The following RYR2 variants were observed in gnomAD, a reference collection of about 807,000 sequenced individuals.
RYR2 encodes the protein ryanodine receptor 2.
RYR2 carries 227 observed loss-of-function variants against 601.1 expected under a neutral mutation model. The ratio of observed to expected loss-of-function variants is 0.38; its 90% CI spans 0.34 to 0.42. The LOEUF is 0.42. Ranked by LOEUF, RYR2 falls within the 10% of genes least tolerant of loss-of-function variation. The pLI, the probability that RYR2 is intolerant of heterozygous loss-of-function variation, is 1.00. For synonymous variants in RYR2, 2,223 were observed against 2,175.1 expected (o/e 1.02, Z -0.61); for missense variants, 4,646 against 6,156.5 (o/e 0.75, Z 8.21).
At chr1:237,463,470 A>G (rs74147283) in intron 16 of RYR2, among the ~76,000 whole-genome samples, 7,556 of 152,282 alleles carry the variant, frequency 0.05, 602 homozygotes, top group African/African-American at 0.17. Context: ...CTCCGGGGAT[A>G]GGATGATACT....
chr1:237,204,102 C>G (rs1328065558), intron 1 of RYR2, among the ~76,000 whole-genome samples: 1 of 152,222 alleles, frequency 6.6e-6, no homozygotes, highest in Non-Finnish European at 1.5e-5. Flanking sequence ...CCTTCTCCTC[C>G]TGGGTTCAAG....
chr1:237,154,256 C>G (rs1294732313), intron 1 of RYR2, among the ~76,000 whole-genome samples: 1 of 152,196 alleles, frequency 6.6e-6, no homozygotes. Context: ...TGGTTTGGTA[C>G]TCCATTGTTA....
At chr1:237,550,444 G>A (rs887954115) in intron 26 of RYR2, 100 bp from the exon 27 acceptor site, 13 of 1,400,298 alleles carry the variant, frequency 9.3e-6, no homozygotes, top group Admixed American at 8.4e-5. Flanking sequence ...GAAGGGTCAC[G>A]TTTTTCTCAT....
At position 237,330,867 on chromosome 1, in the gene RYR2, T is replaced by C. The variant is rs1326271208; in HGVS notation, c.169-11T>C. ...ATGATGCTGCTGACTGCTCTTCCTC[T>C]TTCTGTGCAGAATGTGCCCCCAGAC... is the stretch of plus-strand genomic sequence containing the variant. On this transcript the variant is annotated splice_polypyrimidine_tract_variant and intron_variant, in intron 2 of 104. Transcript: ENST00000366574. 1 of 1,611,394 alleles carries C rather than the reference T, an allele frequency of 6.2e-7. No individual in the cohort carries two copies. The highest frequency in any genetic ancestry group is 8.5e-7 in the Non-Finnish European group (1 of 1,177,506).
chr1:237,263,284 T>C (rs922243453), intron 1 of RYR2, among the ~76,000 whole-genome samples: 5 of 152,234 alleles, frequency 3.3e-5, no homozygotes, highest in Admixed American at 2.0e-4. Flanking sequence ...TGGCAGCATG[T>C]ATTTATGAAT....
intron 33 of RYR2, among the ~76,000 whole-genome samples, chr1:237,594,006 T>C (rs781608853): frequency 6.6e-6 from 1 of 152,132 alleles, no homozygotes; most frequent in Non-Finnish European, 1.5e-5. Context: ...GGCTATGTGG[T>C]GGGGAGAAAA....
rs546991211 is a variant in RYR2, at chr1:237,103,796, T to C, written c.48+61227T>C. Among the ~76,000 whole-genome samples the C allele has an allele frequency of 4.3e-3, 650 of 152,324 alleles. 1 individual carries two copies. The highest frequency in any genetic ancestry group is 7.3e-3 in the Non-Finnish European group (499 of 68,026). Reference sequence around the variant, plus strand: ...GTTGGCCAGGCTGGTCTCGAACTCCTGACTTCAGGTGGTCCACCCGCCTCG... The same window carrying C: ...GTTGGCCAGGCTGGTCTCGAACTCCCGACTTCAGGTGGTCCACCCGCCTCG... On this transcript the variant is annotated intron_variant, in intron 1 of 104. Transcript: ENST00000366574.
chr1:237,341,354 T>C (rs1697754679), intron 3 of RYR2, among the ~76,000 whole-genome samples: 1 of 152,176 alleles, frequency 6.6e-6, no homozygotes. Context: ...CAAACATTTT[T>C]CTTTTTTGAG....
At chr1:237,510,034 T>C (rs946325013) in intron 23 of RYR2, among the ~76,000 whole-genome samples, 14 of 152,164 alleles carry the variant, frequency 9.2e-5, no homozygotes, top group Non-Finnish European at 2.9e-5. Context: ...AAGATGATTT[T>C]ATTCTGTAGG....
At chr1:237,668,736 T>A (rs1684546272) in intron 58 of RYR2, among the ~76,000 whole-genome samples, 1 of 152,196 alleles carries the variant, frequency 6.6e-6, no homozygotes, top group Non-Finnish European at 1.5e-5. Flanking sequence ...GGGGAGAAGA[T>A]TTTGAAAGTG....
intron 1 of RYR2, among the ~76,000 whole-genome samples, chr1:237,092,926 T>A (rs762644358): frequency 2.6e-5 from 4 of 152,180 alleles, no homozygotes; most frequent in Non-Finnish European, 5.9e-5. Context: ...GCCTTCTCCC[T>A]CCACATGCAG....
chr1:237,469,074 C>G lies in RYR2; in HGVS notation c.1613-18C>G, dbSNP rs1449726496. On this transcript the variant is annotated intron_variant, in intron 16 of 104. Coordinates refer to ENST00000366574, the MANE Select transcript of RYR2 (RefSeq NM_001035.3). Reference sequence around the variant, plus strand: ...CTAGAAAATCACATAAAGGTGAAATCTATTTCTTCTTTTGCAGCGGCTCTA... The same window carrying G: ...CTAGAAAATCACATAAAGGTGAAATGTATTTCTTCTTTTGCAGCGGCTCTA... 6.2e-7 allele frequency: 1 copy of G among 1,605,418 alleles called. No homozygotes were observed. The highest frequency in any genetic ancestry group is 2.2e-5 in the East Asian group (1 of 44,806).
chr1:237,142,488 G>A (rs1053624332), intron 1 of RYR2, among the ~76,000 whole-genome samples: 13 of 152,178 alleles, frequency 8.5e-5, no homozygotes, highest in African/African-American at 3.1e-4. Context: ...GAAGCAATAT[G>A]GTAGGATAAA....
chr1:237,284,194 C>T (rs1485615011), intron 2 of RYR2, among the ~76,000 whole-genome samples: 3 of 152,078 alleles, frequency 2.0e-5, no homozygotes, highest in Admixed American at 6.6e-5. Context: ...ACCAGCCTGG[C>T]CAACATGGAG....
intron 33 of RYR2, among the ~76,000 whole-genome samples, chr1:237,594,905 T>TTTTTTTTTTTTTG (rs1675687918): frequency 2.0e-5 from 1 of 50,070 alleles, no homozygotes; most frequent in Non-Finnish European, 5.6e-5. Context: ...TTTTTTTTTT[T>TTTTTTTTTTTTTG]TTTTTTTTTT....
intron 1 of RYR2, among the ~76,000 whole-genome samples, chr1:237,113,499 C>T (rs191903903): frequency 1.4e-4 from 21 of 152,160 alleles, no homozygotes; most frequent in Middle Eastern, 3.4e-3. Flanking sequence ...CGTGTCCAGC[C>T]GGCCTCTCTT....
chr1:237,333,135 A>G (rs921267393), intron 3 of RYR2, among the ~76,000 whole-genome samples: 1 of 152,236 alleles, frequency 6.6e-6, no homozygotes, highest in Non-Finnish European at 1.5e-5. Flanking sequence ...GTTGAACACT[A>G]TTTTATAAAG....
chr1:237,623,811 G>A lies in RYR2; in HGVS notation c.5963G>A (p.Cys1988Tyr). The change falls in exon 39 of 105, where the codon TGT becomes TAT. Residue 1988 changes from cysteine (C) to tyrosine (Y), a missense_variant. Physicochemically the swap from Cys to Tyr is radical, Grantham distance 194. This residue lies in a region of RYR2 where 170 missense variants were observed against 184.5 expected (regional missense o/e 0.92). Coordinates refer to ENST00000366574, the MANE Select transcript of RYR2 (RefSeq NM_001035.3). ...NFKDDKSECP[C>Y]PEEIRDQLLD... ...AAGGATGACAAAAGTGAATGTCCAT[G>A]TCCAGAAGAAATTCGTGACCAACTA... The A allele has an allele frequency of 6.2e-7, 1 of 1,613,514 alleles. No homozygotes were observed. Among genetic ancestry groups the A allele is most frequent in the Non-Finnish European group, 8.5e-7 (1 of 1,179,558 alleles).
Position 237,633,427 on chromosome 1 carries a change from G to A in RYR2, c.6556-151G>A, listed in dbSNP as rs560649216. 561 of 856,128 alleles carry A rather than the reference G, an allele frequency of 6.6e-4. 2 individuals are homozygous for A. The African/African-American group carries it at 8.7e-3, about 13-fold the overall frequency. The allele number at this position is 856,128 out of a possible 1,614,324, so 53.0% of individuals were successfully genotyped here. A position where few individuals can be genotyped will look rare whatever the true frequency, so the allele number is the denominator to read the frequency against. On this transcript the variant is annotated intron_variant, in intron 42 of 104. Coordinates refer to ENST00000366574, the MANE Select transcript of RYR2 (RefSeq NM_001035.3). ...CATTGACTCAGGGACGAGGCAAATC[G>A]TAGTCTGCACATTTGAAGATCTTTG...
Sources: allele counts gnomAD v4.1 joint callset (sites outside exome capture counted in the v4.1 genomes callset), GRCh38; gene constraint gnomAD v4.1.1; regional missense constraint gnomAD v4.1.1; transcripts MANE v1.5; gene names NCBI Gene and HGNC (gene_info 2026-07-23, HGNC 2026-07-21).